Variants in COL5A2 observed in about 807,000 individuals in gnomAD.
The protein encoded by COL5A2 is collagen type V alpha 2 chain.
COL5A2 carries 23 observed loss-of-function variants against 208.2 expected under a neutral mutation model. The observed-to-expected ratio is 0.11, with a 90% CI of 0.08 to 0.16. The LOEUF (loss-of-function observed/expected upper bound fraction) is 0.16. Ranked by LOEUF, COL5A2 falls within the 10% of genes least tolerant of loss-of-function variation. The pLI is 1.00. For synonymous variants in COL5A2, 625 were observed against 628.5 expected (o/e 0.99, Z 0.08); for missense variants, 1,590 against 1,956.4 (o/e 0.81, Z 3.53).
chr2:189,054,186 T>G lies in COL5A2; in HGVS notation c.2418A>C (p.Pro806=). 6.2e-7 allele frequency: 1 copy of G among 1,614,128 alleles called. No homozygotes were observed. The highest frequency in any genetic ancestry group is 1.3e-5 in the African/African-American group (1 of 75,052). The change falls in exon 36 of 54, where the codon CCA becomes CCC. Residue 806 remains proline (P), a synonymous_variant. Coordinates refer to ENST00000374866, the MANE Select transcript of COL5A2 (RefSeq NM_000393.5). ...TTTCTCCAGTAGGACCTGCCGGACC[T>G]GGAGGGCCCAAAGGACCTGGAAGAC... ...ARGLPGPLGP[P]GPAGPTGEKG...
intron 6 of COL5A2, among the ~76,000 whole-genome samples, chr2:189,093,371 T>G (rs1381746572): frequency 2.0e-5 from 3 of 152,084 alleles, no homozygotes; most frequent in Non-Finnish European, 4.4e-5. Context: ...TAAATGAAGT[T>G]TAATAGTTAA....
the COL5A2 span, among the ~76,000 whole-genome samples, chr2:189,340,876 A>G: frequency 4.4e-4 from 67 of 152,336 alleles, no homozygotes; most frequent in African/African-American, 1.6e-3. Flanking sequence ...TGTTTTCCAA[A>G]GACGTTTAAA....
At chr2:189,193,992 T>TA (rs1242064994) in intron 1 of COL5A2, among the ~76,000 whole-genome samples, 3 of 152,216 alleles carry the variant, frequency 2.0e-5, no homozygotes, top group Non-Finnish European at 4.4e-5. Flanking sequence ...TAAACGCAGT[T>TA]ATTTTCATAA....
At chr2:189,440,313 A>C in the COL5A2 span, among the ~76,000 whole-genome samples, 1 of 152,350 alleles carries the variant, frequency 6.6e-6, no homozygotes, top group South Asian at 2.1e-4. Context: ...TGATTTCATC[A>C]TTGTGTGAAT....
the COL5A2 span, among the ~76,000 whole-genome samples, chr2:189,241,538 A>G: frequency 1.4e-4 from 21 of 152,256 alleles, no homozygotes; most frequent in African/African-American, 3.9e-4. Context: ...CAAAATAAAT[A>G]AAAAAATTAG....
rs192650736 is a variant in COL5A2, at chr2:189,217,233, A to T, written c.-42+7915T>A. 3.2e-3 allele frequency among the ~76,000 whole-genome samples: 494 copies of T among 152,324 alleles called. 5 individuals are homozygous for T. The highest frequency in any genetic ancestry group is 0.011 in the African/African-American group (469 of 41,580). ...AAGATGCCAGGACTAGAGGTCATAA[A>T]TTCCTTTAAAAGGACCGTAATCAGT... On this transcript the variant is annotated intron_variant, in intron 1 of 10. Coordinates refer to the COL5A2 transcript ENST00000649966.
At chr2:189,414,087 C>T in the COL5A2 span, among the ~76,000 whole-genome samples, 2 of 152,032 alleles carry the variant, frequency 1.3e-5, no homozygotes, top group Non-Finnish European at 2.9e-5. Context: ...CCACTGTGCC[C>T]GGCCTTGTGT....
the COL5A2 span, among the ~76,000 whole-genome samples, chr2:189,248,210 T>C: frequency 2.6e-5 from 4 of 152,258 alleles, no homozygotes; most frequent in South Asian, 2.1e-4. Context: ...GTAGTTTTCA[T>C]TTGTTAGATA....
At chr2:189,100,079 A>G (rs773788045) in intron 4 of COL5A2, 28 bp downstream of exon 4, 2 of 1,567,592 alleles carry the variant, frequency 1.3e-6, no homozygotes, top group East Asian at 4.5e-5. Context: ...TTAAGGTACA[A>G]GGAAACAATG....
the COL5A2 span, among the ~76,000 whole-genome samples, chr2:189,243,559 C>A: frequency 6.6e-6 from 1 of 152,106 alleles, no homozygotes; most frequent in Non-Finnish European, 1.5e-5. Context: ...CAACTACCTC[C>A]CACTGGGTCC....
At chr2:189,314,000 C>A in the COL5A2 span, among the ~76,000 whole-genome samples, 1 of 152,174 alleles carries the variant, frequency 6.6e-6, no homozygotes, top group South Asian at 2.1e-4. Flanking sequence ...TAGTGGGGAA[C>A]TTTAACACCC....
chr2:189,032,180 A>G lies in COL5A2; in HGVS notation c.*1890T>C, dbSNP rs1685348829. Reference sequence around the variant, plus strand: ...CTAAATATTGAGAATGAAACTGAAAACAATTAGGCTAAATTCATATGTGAT... The same window carrying G: ...CTAAATATTGAGAATGAAACTGAAAGCAATTAGGCTAAATTCATATGTGAT... On this transcript the variant is annotated 3_prime_UTR_variant, in exon 54 of 54. Transcript: ENST00000374866. 1 of 152,132 alleles carries G rather than the reference A, an allele frequency of 6.6e-6. No individual in the cohort carries two copies. The highest frequency in any genetic ancestry group is 2.4e-5 in the African/African-American group (1 of 41,438). The allele number at this position is 152,132 out of a possible 1,614,324, so 9.4% of individuals were successfully genotyped here.
Position 189,066,502 on chromosome 2 carries a change from T to C in COL5A2, c.1456-5A>G. On this transcript the variant is annotated splice_region_variant and splice_polypyrimidine_tract_variant and intron_variant, in intron 22 of 53. Coordinates refer to ENST00000374866, the MANE Select transcript of COL5A2 (RefSeq NM_000393.5). ...ACCCTGAATACCATGTGGCCCCTGT[T>C]AAAAACAGAAGGACAGTTACCAGAA... 7 of 1,613,880 alleles carry C rather than the reference T, an allele frequency of 4.3e-6. No homozygotes were observed. Among genetic ancestry groups the C allele is most frequent in the Non-Finnish European group, 5.9e-6 (7 of 1,179,778 alleles).
the COL5A2 span, among the ~76,000 whole-genome samples, chr2:189,420,720 C>A: frequency 6.6e-6 from 1 of 152,022 alleles, no homozygotes; most frequent in Admixed American, 6.6e-5. Context: ...ACTGACCACC[C>A]TACTCCAAAG....
At chr2:189,331,134 A>C in the COL5A2 span, among the ~76,000 whole-genome samples, 1 of 152,248 alleles carries the variant, frequency 6.6e-6, no homozygotes. Context: ...AAATTATAGA[A>C]CTAAAAAATA....
the COL5A2 span, among the ~76,000 whole-genome samples, chr2:189,327,860 G>C: frequency 1.4e-4 from 21 of 152,160 alleles, no homozygotes; most frequent in African/African-American, 5.1e-4. Flanking sequence ...AGTTCATGCT[G>C]AATCAATTTA....
the COL5A2 span, among the ~76,000 whole-genome samples, chr2:189,440,656 C>T: frequency 6.6e-6 from 1 of 152,008 alleles, no homozygotes; most frequent in Non-Finnish European, 1.5e-5. Flanking sequence ...ATACAGGGTC[C>T]AAGAATATGA....
At chr2:189,343,199 G>C in the COL5A2 span, among the ~76,000 whole-genome samples, 1 of 151,796 alleles carries the variant, frequency 6.6e-6, no homozygotes, top group Non-Finnish European at 1.5e-5. Flanking sequence ...TTTATTTTAG[G>C]ACAAAAATTT....
At chr2:189,111,211 G>T (rs144620921) in intron 1 of COL5A2, among the ~76,000 whole-genome samples, 1,635 of 150,124 alleles carry the variant, frequency 0.011, 11 homozygotes, top group Non-Finnish European at 0.018. Context: ...AGAAAGTTTG[G>T]GAAAATACAC....
Sources: gnomAD v4.1 joint callset for allele counts (sites outside exome capture counted in the v4.1 genomes callset) on GRCh38, gnomAD v4.1.1 for gene constraint, MANE v1.5 for transcripts, NCBI Gene and HGNC (gene_info 2026-07-23, HGNC 2026-07-21) for gene names.